The following GYS2 variants were observed in gnomAD, a reference collection of about 807,000 sequenced individuals.
GYS2 encodes the protein glycogen synthase 2, also known as glycogen [starch] synthase, liver.
In GYS2, 80 loss-of-function variants were observed where a neutral mutation model predicts 85.6. The ratio of observed to expected loss-of-function variants is 0.93; its 90% confidence interval spans 0.78 to 1.13. The LOEUF is 1.13. Ranked by LOEUF, GYS2 falls within the 50% of genes most tolerant of loss-of-function variation. The pLI is 0.00. For synonymous variants in GYS2, 328 were observed against 300.7 expected (o/e 1.09, Z -0.94); for missense variants, 881 against 854.9 (o/e 1.03, Z -0.38).
intron 7 of GYS2, 111 bp from the exon 8 acceptor site, chr12:21,560,603 G>A: frequency 1.4e-6 from 1 of 712,420 alleles, no homozygotes; most frequent in East Asian, 2.6e-5. Context: ...TAGATAAAAG[G>A]TATAGTTATT....
At chr12:21,551,387 A>G (rs1944109185) in intron 11 of GYS2, among the ~76,000 whole-genome samples, 1 of 152,118 alleles carries the variant, frequency 6.6e-6, no homozygotes. Flanking sequence ...ATAAATATAC[A>G]TATTACCTCA....
chr12:21,538,010 C>T (rs563147283), intron 15 of GYS2, among the ~76,000 whole-genome samples: 15 of 152,148 alleles, frequency 9.9e-5, no homozygotes, highest in Non-Finnish European at 1.8e-4. Context: ...GTCAGCAATA[C>T]AACAAAAGAA....
chr12:21,569,866 T>C (rs1591796601), intron 4 of GYS2, among the ~76,000 whole-genome samples: 1 of 152,340 alleles, frequency 6.6e-6, no homozygotes, highest in African/African-American at 2.4e-5. Context: ...ACACATATTT[T>C]GCCTTCATTT....
intron 4 of GYS2, among the ~76,000 whole-genome samples, chr12:21,570,671 A>C (rs1944375053): frequency 6.6e-6 from 1 of 152,244 alleles, no homozygotes; most frequent in East Asian, 1.9e-4. Context: ...TGTGCAGAAA[A>C]TAGCAGGACA....
chr12:21,545,377 G>A (rs1380037122), intron 12 of GYS2, among the ~76,000 whole-genome samples: 1 of 152,220 alleles, frequency 6.6e-6, no homozygotes, highest in African/African-American at 2.4e-5. Flanking sequence ...AGGAGGCGAA[G>A]GTTGCAGTGA....
intron 13 of GYS2, 50 bp downstream of exon 13, chr12:21,542,446 T>C (rs377380867): frequency 9.2e-6 from 10 of 1,083,208 alleles, no homozygotes; most frequent in Non-Finnish European, 1.3e-5. Context: ...GTGCTTTGTT[T>C]GGTTAGAGGT....
intron 1 of GYS2, among the ~76,000 whole-genome samples, chr12:21,586,309 T>C (rs930256342): frequency 5.9e-5 from 9 of 152,152 alleles, no homozygotes; most frequent in African/African-American, 1.9e-4. Context: ...CCTTCAGCTT[T>C]GGGACTTGGA....
At chr12:21,598,792 T>C (rs1396540142) in intron 1 of GYS2, among the ~76,000 whole-genome samples, 1 of 152,132 alleles carries the variant, frequency 6.6e-6, no homozygotes, top group Non-Finnish European at 1.5e-5. Context: ...CGTAGGTCAT[T>C]GAATTTGAAC....
chr12:21,577,966 C>G (rs117362709), intron 2 of GYS2, among the ~76,000 whole-genome samples: 5 of 152,186 alleles, frequency 3.3e-5, no homozygotes, highest in Admixed American at 2.0e-4. Flanking sequence ...ATCCTGCACA[C>G]TTAACCTCAT....
At chr12:21,559,426 A>T (rs1944224379) in intron 9 of GYS2, among the ~76,000 whole-genome samples, 1 of 152,160 alleles carries the variant, frequency 6.6e-6, no homozygotes, top group Non-Finnish European at 1.5e-5. Context: ...TGAGTTCATC[A>T]TTGAATTAGA....
chr12:21,591,104 G>A (rs1017565867), intron 1 of GYS2, among the ~76,000 whole-genome samples: 1 of 151,680 alleles, frequency 6.6e-6, no homozygotes, highest in African/African-American at 2.4e-5. Flanking sequence ...CACTTCCAAA[G>A]GAATTTAATA....
chr12:21,582,138 C>T (rs561953980), intron 1 of GYS2, among the ~76,000 whole-genome samples: 1 of 152,202 alleles, frequency 6.6e-6, no homozygotes, highest in South Asian at 2.1e-4. Context: ...ACAAGGAACT[C>T]AACAACAAAA....
intron 14 of GYS2, 93 bp downstream of exon 14, chr12:21,540,317 G>T: frequency 9.3e-7 from 1 of 1,077,672 alleles, no homozygotes; most frequent in Non-Finnish European, 1.4e-6. Context: ...TTATAATATT[G>T]GATTAACTTT....
intron 11 of GYS2, 70 bp downstream of exon 11, chr12:21,558,130 A>G (rs1944205284): frequency 1.1e-6 from 1 of 935,196 alleles, no homozygotes; most frequent in Admixed American, 1.9e-5. Context: ...CAACTAAGGA[A>G]AGCTAATAAA....
chr12:21,543,562 A>G (rs1944003858), intron 12 of GYS2, among the ~76,000 whole-genome samples: 1 of 149,744 alleles, frequency 6.7e-6, no homozygotes, highest in African/African-American at 2.5e-5. Context: ...TGGGAGTTGG[A>G]GAGTATCTCT....
At chr12:21,565,411 A>ATG (rs1944306856) in intron 5 of GYS2, among the ~76,000 whole-genome samples, 1 of 123,156 alleles carries the variant, frequency 8.1e-6, no homozygotes, top group Non-Finnish European at 1.7e-5. Flanking sequence ...ATATATATAT[A>ATG]TATATATATA....
chr12:21,591,604 T>C lies in GYS2; in HGVS notation c.122-11081A>G, dbSNP rs929716758. Among the ~76,000 whole-genome samples, 3 of 152,288 alleles carry C rather than the reference T, an allele frequency of 2.0e-5. No homozygotes were observed. In the East Asian group the frequency reaches 5.8e-4, roughly 29 times the overall value. On this transcript the variant is annotated intron_variant, in intron 1 of 15. Coordinates refer to ENST00000261195, the MANE Select transcript of GYS2 (RefSeq NM_021957.4). ...ACAATAGCTGAAAACTTGTCAAGTC[T>C]AGCAAGAAATGTAGACATCCAGACA...
At chr12:21,570,934 A>G (rs1944377884) in intron 4 of GYS2, among the ~76,000 whole-genome samples, 1 of 152,258 alleles carries the variant, frequency 6.6e-6, no homozygotes, top group African/African-American at 2.4e-5. Context: ...TTCAAATGAG[A>G]CAACAAATGT....
At chr12:21,564,927 G>C (rs781425968) in intron 5 of GYS2, among the ~76,000 whole-genome samples, 1 of 152,134 alleles carries the variant, frequency 6.6e-6, no homozygotes. Context: ...AACCAAAGCA[G>C]CCTGGCTCAG....
Sources: allele counts gnomAD v4.1 joint callset (sites outside exome capture counted in the v4.1 genomes callset), GRCh38; gene constraint gnomAD v4.1.1; transcripts MANE v1.5; gene names NCBI Gene and HGNC (gene_info 2026-07-23, HGNC 2026-07-21).